Variants in BRF2 observed in about 807,000 individuals in gnomAD.
BRF2 encodes BRF2 general transcription factor IIIB subunit, also known as transcription factor IIIB 50 kDa subunit.
BRF2 carries 17 observed loss-of-function variants against 26.6 expected under a neutral mutation model. The observed-to-expected ratio is 0.64, with a 90% CI of 0.44 to 0.96. The LOEUF (loss-of-function observed/expected upper bound fraction) is 0.96, where lower values mean the gene tolerates loss of function less well. BRF2 is among the 40% of genes least tolerant of loss of function. The probability of loss-of-function intolerance (pLI) is 0.00; values close to 1 mark genes in which losing one functional copy is unlikely to be tolerated. For missense variants in BRF2, 515 were observed against 537.0 expected (o/e 0.96, Z 0.40); for synonymous variants, 219 against 226.6 (o/e 0.97, Z 0.30).
At chr8:37,849,040 A>C (rs1806016045) in intron 1 of BRF2, among the ~76,000 whole-genome samples, 1 of 152,110 alleles carries the variant, frequency 6.6e-6, no homozygotes, top group African/African-American at 2.4e-5. Context: ...CTCCTACCTC[A>C]GATTCCTGGG....
Position 37,845,085 on chromosome 8 carries a change from G to T in BRF2, c.665C>A (p.Pro222His). 1 of 1,613,868 alleles carries T rather than the reference G, an allele frequency of 6.2e-7. No homozygotes were observed. The highest frequency in any genetic ancestry group is 8.5e-7 in the Non-Finnish European group (1 of 1,180,034). The change falls in exon 4 of 4, where the codon CCC becomes CAC. Residue 222 changes from proline (P) to histidine (H), a missense_variant. Physicochemically the swap from Pro to His is moderately conservative, Grantham distance 77. Transcript: ENST00000220659. ...AGTCGCAGCAGTGATGACGGGCAAG[G>T]GATGCCTCCCGGTCACCAGCCACGT... The part of the protein sequence containing the change: ...NETWLVTGRH[P>H]LPVITAATFL...
chr8:37,847,035 C>G lies in BRF2; in HGVS notation c.355G>C (p.Gly119Arg). The G allele has an allele frequency of 6.2e-7, 1 of 1,614,224 alleles. No homozygotes were observed. The highest frequency in any genetic ancestry group is 8.5e-7 in the Non-Finnish European group (1 of 1,180,048). ...ARLQKKEVLV[G>R]CCVLITCRQH... ...CGGCAGGTGATTAAGACGCAGCACCCAACCAACACCTCCTTCTTTTGCAGC... is the reference window on the plus strand; with the variant it reads ...CGGCAGGTGATTAAGACGCAGCACCGAACCAACACCTCCTTCTTTTGCAGC... The change falls in exon 3 of 4, where the codon GGG (glycine) becomes CGG (arginine). Residue 119 changes from glycine (G) to arginine (R), a missense_variant. Gly to Arg is a moderately radical substitution (Grantham distance 125). Coordinates refer to ENST00000220659, the MANE Select transcript of BRF2 (RefSeq NM_018310.4).
At chr8:37,849,113 C>T (rs1405237055) in intron 1 of BRF2, among the ~76,000 whole-genome samples, 1 of 152,086 alleles carries the variant, frequency 6.6e-6, no homozygotes, top group Non-Finnish European at 1.5e-5. Flanking sequence ...TTTTTAGGCA[C>T]TTGTCTCGTT....
intron 1 of BRF2, among the ~76,000 whole-genome samples, chr8:37,849,188 C>T (rs548764458): frequency 5.9e-5 from 9 of 152,290 alleles, no homozygotes; most frequent in Middle Eastern, 3.4e-3. Flanking sequence ...CCTCCCAAAG[C>T]ACTGGGATTA....
chr8:37,845,451 T>C (rs1296402418), intron 3 of BRF2, among the ~76,000 whole-genome samples: 1 of 152,016 alleles, frequency 6.6e-6, no homozygotes, highest in African/African-American at 2.4e-5. Flanking sequence ...ATCACCATTA[T>C]TCTGAGTGCT....
chr8:37,846,850 G>A lies in BRF2; in HGVS notation c.536+4C>T, dbSNP rs114295504. 1,914 of 1,606,744 alleles carry A rather than the reference G, an allele frequency of 1.2e-3. 14 individuals are homozygous for A. In the African/African-American group the frequency reaches 0.02, roughly 17 times the overall value. ...CATCCTACTGTCTCCCACCAGGGACGTACCTGCTGCAATAGGTCTTCACCA... is the reference window on the plus strand; with the variant it reads ...CATCCTACTGTCTCCCACCAGGGACATACCTGCTGCAATAGGTCTTCACCA... On this transcript the variant is annotated splice_donor_region_variant and intron_variant, in intron 3 of 3. Transcript: ENST00000220659.
chr8:37,844,530 G>C lies in BRF2; in HGVS notation c.1220C>G (p.Ala407Gly), dbSNP rs1355241094. ...GACACTCGTGGCAGCCTGTCTAGCA[G>C]CCTGGGCTCTCTGAAAGTCCCTAAC... ...QEVRDFQRAQ[A>G]ARQAATSVPN... Residue 407 changes from alanine (A) to glycine (G), a missense_variant, in exon 4 of 4, where the codon GCT becomes GGT. Physicochemically the swap from Ala to Gly is moderately conservative, Grantham distance 60. Transcript: ENST00000220659. 2.5e-6 allele frequency: 4 copies of C among 1,613,618 alleles called. No homozygotes were observed. In the Admixed American group the frequency reaches 6.7e-5, roughly 27 times the overall value.
At chr8:37,847,488 A>G in intron 2 of BRF2, 1 of 462,390 alleles carries the variant, frequency 2.2e-6, no homozygotes, top group Non-Finnish European at 4.2e-6. Flanking sequence ...CAAACCTTAT[A>G]CTGAATTGCT....
At chr8:37,847,467 C>T in intron 2 of BRF2, 1 of 514,786 alleles carries the variant, frequency 1.9e-6, no homozygotes, top group Admixed American at 2.3e-5. Flanking sequence ...AAACATACGT[C>T]TGATCAAACC....
intron 3 of BRF2, chr8:37,845,910 AAG>A: frequency 1.7e-6 from 1 of 574,730 alleles, no homozygotes; most frequent in Admixed American, 3.4e-5. Context: ...TTCAGCCACA[AAG>A]CCCATGGCAC....
At chr8:37,845,310 G>T in intron 3 of BRF2, 97 bp from the exon 4 acceptor site, 1 of 965,852 alleles carries the variant, frequency 1.0e-6, no homozygotes, top group Non-Finnish European at 1.6e-6. Flanking sequence ...AAGCTATTCT[G>T]CCCTCAGGAA....
At chr8:37,849,555 G>A in intron 1 of BRF2, 75 bp downstream of exon 1, 1 of 1,215,938 alleles carries the variant, frequency 8.2e-7, no homozygotes. Flanking sequence ...TAGGAGTATG[G>A]GGGGAGCGGG....
chr8:37,844,426 T>C lies in BRF2; in HGVS notation c.*64A>G. 1 of 1,571,166 alleles carries C rather than the reference T, an allele frequency of 6.4e-7. No homozygotes were observed. Among genetic ancestry groups the C allele is most frequent in the African/African-American group, 1.3e-5 (1 of 74,292 alleles). ...TACGGACTGGTGTACACTTCCATCC[T>C]TGGTTATAACAGGAATGTTATCAAG... is the stretch of plus-strand genomic sequence containing the variant. On this transcript the variant is annotated 3_prime_UTR_variant, in exon 4 of 4. Coordinates refer to ENST00000220659, the MANE Select transcript of BRF2 (RefSeq NM_018310.4).
Position 37,848,669 on chromosome 8 carries a change from A to C in BRF2, c.155-14T>G, listed in dbSNP as rs758239469. On this transcript the variant is annotated splice_polypyrimidine_tract_variant and intron_variant, in intron 1 of 3. Coordinates refer to ENST00000220659, the MANE Select transcript of BRF2 (RefSeq NM_018310.4). ...AATATGTTACCTCTGTAAGATAATA[A>C]ACAACAAATAGTGTGCTTAGCCTTT... 6.2e-7 allele frequency: 1 copy of C among 1,609,680 alleles called. No homozygotes were observed. The highest frequency in any genetic ancestry group is 8.5e-7 in the Non-Finnish European group (1 of 1,175,930).
In BRF2 at chr8:37,843,540, A is replaced by G. The variant is rs1805879254; in HGVS notation, c.*950T>C. 1 of 152,262 alleles carries G rather than the reference A, an allele frequency of 6.6e-6. No individual in the cohort carries two copies. The highest frequency in any genetic ancestry group is 1.5e-5 in the Non-Finnish European group (1 of 68,092). The allele number at this position is 152,262 out of a possible 1,614,324, so 9.4% of individuals were successfully genotyped here. A position where few individuals can be genotyped will look rare whatever the true frequency, so the allele number is the denominator to read the frequency against. ...AAACCAACCACCAGCATTTCACTAC[A>G]GGACCAAATGGAAACCGAGGGAACC... On this transcript the variant is annotated 3_prime_UTR_variant, in exon 4 of 4. Coordinates refer to ENST00000220659, the MANE Select transcript of BRF2 (RefSeq NM_018310.4).
chr8:37,845,142 C>T lies in BRF2; in HGVS notation c.608G>A (p.Arg203Gln), dbSNP rs143386716. The change falls in exon 4 of 4, where the codon CGA (arginine) becomes CAA (glutamine). Residue 203 changes from arginine to glutamine, a missense_variant. By Grantham distance (43) the Arg-to-Gln change is conservative. Coordinates refer to ENST00000220659, the MANE Select transcript of BRF2 (RefSeq NM_018310.4). ...TGCCAGCTCCACCAACTGCATTGTTCGAGACAGCATCTTCTCTTTGTCTTC... is the reference window on the plus strand; with the variant it reads ...TGCCAGCTCCACCAACTGCATTGTTTGAGACAGCATCTTCTCTTTGTCTTC... ...YVEDKEKMLS[R>Q]TMQLVELANE... 113 of 1,613,566 alleles carry T rather than the reference C, an allele frequency of 7.0e-5. No homozygotes were observed. The highest frequency in any genetic ancestry group is 6.5e-4 in the East Asian group (29 of 44,886).
intron 3 of BRF2, among the ~76,000 whole-genome samples, chr8:37,846,639 C>G (rs1427413058): frequency 6.6e-6 from 1 of 152,086 alleles, no homozygotes; most frequent in South Asian, 2.1e-4. Flanking sequence ...TGGTGGCAGG[C>G]ACCTGTAATC....
chr8:37,849,588 AATCC>A, intron 1 of BRF2, 38 bp downstream of exon 1: 3 of 1,539,024 alleles, frequency 1.9e-6, no homozygotes, highest in Non-Finnish European at 2.7e-6. Context: ...ATCTGATGTT[AATCC>A]CTCCACCGCC....
Position 37,847,112 on chromosome 8 carries a change from G to A in BRF2, c.278C>T (p.Ala93Val), listed in dbSNP as rs375384172. ...ATATGCCTGTTGGTAGTAGGCAACC[G>A]CGGTATCCTCAAATGTTGGTGGCAA... ...LQLPPTFEDTAVAYYQQAYRH... is the reference protein window; with the variant it reads ...LQLPPTFEDTVVAYYQQAYRH... The change falls in exon 3 of 4, where the codon GCG becomes GTG. Residue 93 changes from alanine to valine, a missense_variant. By Grantham distance (64) the Ala-to-Val change is moderately conservative. Transcript: ENST00000220659. 8.7e-6 allele frequency: 14 copies of A among 1,614,080 alleles called. No individual in the cohort carries two copies. The highest frequency in any genetic ancestry group is 5.3e-5 in the African/African-American group (4 of 74,944).
Sources: gnomAD v4.1 joint callset for allele counts (sites outside exome capture counted in the v4.1 genomes callset) on GRCh38, gnomAD v4.1.1 for gene constraint, MANE v1.5 for transcripts, NCBI Gene and HGNC (gene_info 2026-07-23, HGNC 2026-07-21) for gene names.